PMFBP1: variants seen among roughly 807,000 people sequenced by gnomAD.
PMFBP1 encodes polyamine modulated factor 1 binding protein 1, also known as polyamine-modulated factor 1-binding protein 1.
Under a neutral mutation model 137.8 loss-of-function variants are expected in PMFBP1, and 131 were observed. The observed-to-expected ratio is 0.95, with a 90% CI of 0.82 to 1.10. The LOEUF is 1.10. Ranked by LOEUF, PMFBP1 falls within the 50% of genes least tolerant of loss-of-function variation. The pLI, the probability that PMFBP1 is intolerant of heterozygous loss-of-function variation, is 0.00. For synonymous variants in PMFBP1, 490 were observed against 450.4 expected, an observed-to-expected ratio of 1.09 and a Z score of -1.11; for missense variants, 1,199 against 1,175.4, an observed-to-expected ratio of 1.02 and a Z score of -0.29.
the PMFBP1 span, among the ~76,000 whole-genome samples, chr16:72,204,124 G>A: frequency 1.4e-4 from 22 of 152,024 alleles, no homozygotes; most frequent in South Asian, 4.6e-3. Context: ...AACTCTGTGA[G>A]CACTCAGCAT....
At chr16:72,249,790 G>A in the PMFBP1 span, among the ~76,000 whole-genome samples, 4 of 150,862 alleles carry the variant, frequency 2.7e-5, no homozygotes, top group Admixed American at 6.6e-5. Context: ...GCGTGGTGGC[G>A]GGCACCTGTA....
At chr16:72,235,029 C>T in the PMFBP1 span, among the ~76,000 whole-genome samples, 20,702 of 152,090 alleles carry the variant, frequency 0.14, 1,654 homozygotes, top group Non-Finnish European at 0.17. Flanking sequence ...CTTTGAAGCA[C>T]AAAAGTTTTT....
At chr16:72,226,557 C>T in the PMFBP1 span, among the ~76,000 whole-genome samples, 11 of 152,262 alleles carry the variant, frequency 7.2e-5, no homozygotes, top group Non-Finnish European at 1.2e-4. Context: ...TTGCCAAAAG[C>T]TTCCATTTGT....
chr16:72,225,165 A>G, the PMFBP1 span: 1 of 152,180 alleles, frequency 6.6e-6, no homozygotes, highest in Non-Finnish European at 1.5e-5. Context: ...TCCTCAAAGA[A>G]CTAGAACACT....
chr16:72,130,379 A>G (rs1298641829), intron 11 of PMFBP1, 22 bp from the exon 12 acceptor site: 1 of 1,613,948 alleles, frequency 6.2e-7, no homozygotes, highest in Non-Finnish European at 8.5e-7. Flanking sequence ...TAACAGCCAC[A>G]GGAGGACAGA....
chr16:72,200,316 T>C, the PMFBP1 span, among the ~76,000 whole-genome samples: 4 of 152,268 alleles, frequency 2.6e-5, no homozygotes, highest in Admixed American at 6.5e-5. Flanking sequence ...AAACAGATTA[T>C]ATTTTCTAAT....
the PMFBP1 span, among the ~76,000 whole-genome samples, chr16:72,199,696 G>C: frequency 2.6e-5 from 4 of 151,348 alleles, no homozygotes; most frequent in Non-Finnish European, 5.9e-5. Flanking sequence ...TATTGGAAAG[G>C]GCTTTTCAGA....
rs554673287 is a variant in PMFBP1, at chr16:72,130,205, C to T, written c.1782+8G>A. The T allele has an allele frequency of 2.0e-5, 33 of 1,611,186 alleles. No homozygotes were observed. In the Admixed American group the frequency reaches 2.7e-4, roughly 13 times the overall value. The stretch of plus-strand genomic sequence containing the variant: ...CACTTGAATGGGCCATCTGCCTGCC[C>T]GTCATACCTGGTGCTTGATACGATC... On this transcript the variant is annotated splice_region_variant and intron_variant, in intron 12 of 20. Coordinates refer to ENST00000237353, the MANE Select transcript of PMFBP1 (RefSeq NM_031293.3).
rs2042454430 is a variant in PMFBP1 at position 72,126,146 on chromosome 16, G to A, written c.2089-14C>T. On this transcript the variant is annotated splice_polypyrimidine_tract_variant and intron_variant, in intron 14 of 20. Coordinates refer to ENST00000237353, the MANE Select transcript of PMFBP1 (RefSeq NM_031293.3). ...CTGAAGGGCTATCTTTAAGGAGGGA[G>A]AGCAGAACTGTCAGGGTGCCAGGTC... 5 of 1,612,854 alleles carry A rather than the reference G, an allele frequency of 3.1e-6. No individual in the cohort carries two copies. Among genetic ancestry groups the A allele is most frequent in the South Asian group, 1.1e-5 (1 of 90,972 alleles).
chr16:72,239,796 G>A, the PMFBP1 span, among the ~76,000 whole-genome samples: 2 of 143,918 alleles, frequency 1.4e-5, no homozygotes, highest in African/African-American at 5.1e-5. Flanking sequence ...GGAGGCACGA[G>A]AATCGCTTAA....
chr16:72,132,698 C>T (rs1193876562), intron 10 of PMFBP1, 50 bp downstream of exon 10: 1 of 1,611,546 alleles, frequency 6.2e-7, no homozygotes, highest in Admixed American at 1.7e-5. Context: ...TCTAGGGCTG[C>T]TCTAGCCCCA....
the PMFBP1 span, among the ~76,000 whole-genome samples, chr16:72,195,873 T>G: frequency 2.0e-5 from 3 of 152,242 alleles, no homozygotes; most frequent in Non-Finnish European, 4.4e-5. Context: ...CCTGCAGGTC[T>G]GCAATCCACT....
At chr16:72,123,700 T>A in intron 17 of PMFBP1, 51 bp from the exon 18 acceptor site, 1 of 1,510,462 alleles carries the variant, frequency 6.6e-7, no homozygotes, top group South Asian at 1.2e-5. Context: ...CACAGGCCTG[T>A]CAGCCCTCCT....
the PMFBP1 span, among the ~76,000 whole-genome samples, chr16:72,214,661 C>T: frequency 6.6e-6 from 1 of 152,180 alleles, no homozygotes; most frequent in East Asian, 1.9e-4. Context: ...AATAAAGACA[C>T]ATTCACAATA....
the PMFBP1 span, among the ~76,000 whole-genome samples, chr16:72,204,655 G>A: frequency 6.6e-6 from 1 of 152,212 alleles, no homozygotes; most frequent in African/African-American, 2.4e-5. Context: ...AATGAGCAGA[G>A]GGAAGGATGT....
At chr16:72,126,911 T>C (rs183330919) in intron 14 of PMFBP1, among the ~76,000 whole-genome samples, 1 of 152,342 alleles carries the variant, frequency 6.6e-6, no homozygotes, top group East Asian at 1.9e-4. Flanking sequence ...TTTAACTGTT[T>C]CGTGGAGTTT....
At chr16:72,117,749 T>G (rs542864525), downstream of PMFBP1, among the ~76,000 whole-genome samples, 1 of 152,330 alleles carries the variant, frequency 6.6e-6, no homozygotes, top group East Asian at 1.9e-4. Flanking sequence ...CCATTTCTTT[T>G]TAATATCAGC....
chr16:72,214,850 G>A, the PMFBP1 span, among the ~76,000 whole-genome samples: 3 of 152,016 alleles, frequency 2.0e-5, no homozygotes, highest in Non-Finnish European at 4.4e-5. Context: ...CTTTAGCAAT[G>A]TATCTAAAAG....
At chr16:72,230,245 G>T in the PMFBP1 span, among the ~76,000 whole-genome samples, 1 of 152,070 alleles carries the variant, frequency 6.6e-6, no homozygotes, top group Non-Finnish European at 1.5e-5. Flanking sequence ...CTTTTCATAA[G>T]ATCCCATAGT....
Sources: gnomAD v4.1 joint callset for allele counts (sites outside exome capture counted in the v4.1 genomes callset) on GRCh38, gnomAD v4.1.1 for gene constraint, MANE v1.5 for transcripts, NCBI Gene and HGNC (gene_info 2026-07-23, HGNC 2026-07-21) for gene names.